FUT6: variants seen among roughly 807,000 people sequenced by gnomAD.
FUT6 encodes fucosyltransferase 6.
For missense variants in FUT6, 454 were observed against 494.6 expected (o/e 0.92, Z 0.78); for synonymous variants, 187 against 209.9 (o/e 0.89, Z 0.94).
At position 5,831,626 on chromosome 19, in the gene FUT6, G is replaced by A. The variant is rs1304828167; in HGVS notation, c.942C>T (p.Arg314=). Reference sequence around the variant, plus strand: ...CCCGCCAGCGAAAGTAGCTCAGGTAGCGGGCGTGGTCCTTGTCCAGCTCCT... The same window carrying A: ...CCCGCCAGCGAAAGTAGCTCAGGTAACGGGCGTGGTCCTTGTCCAGCTCCT... ...YLQELDKDHA[R]YLSYFRWRET... is the part of the protein sequence containing the mutation. The change falls in exon 3 of 3, where the codon CGC becomes CGT. Residue 314 remains arginine (R), a synonymous_variant. Transcript: ENST00000318336. The surrounding 1 kb of genome is among the most constrained non-coding windows in gnomAD (Gnocchi z 7.0). The A allele has an allele frequency of 6.2e-7, 1 of 1,613,600 alleles. No individual in the cohort carries two copies. Among genetic ancestry groups the A allele is most frequent in the African/African-American group, 1.3e-5 (1 of 74,924 alleles).
rs770360016 is a variant in FUT6 at position 5,831,768 on chromosome 19, C to T, written c.800G>A (p.Trp267Ter). The T allele has an allele frequency of 2.5e-6, 4 of 1,613,348 alleles. No individual in the cohort carries two copies. Among genetic ancestry groups the T allele is most frequent in the Non-Finnish European group, 3.4e-6 (4 of 1,179,746 alleles). ...EKLWRNALEA[W>*]AVPVVLGPSR... ...GGGGCCCAGCACCACGGGCACGGCC[C>T]AGGCCTCCAGGGCGTTCCTCCACAG... is the stretch of plus-strand genomic sequence containing the variant. The change falls in exon 3 of 3, where the codon TGG becomes TAG. Residue 267 changes from tryptophan to a stop codon, truncating the protein, a stop_gained. Coordinates refer to ENST00000318336, the MANE Select transcript of FUT6 (RefSeq NM_000150.4). LOFTEE classifies it low-confidence loss of function (END_TRUNC). This position sits in a 1 kb window ranked among gnomAD's most constrained non-coding sequence, Gnocchi z 7.0.
chr19:5,831,799 C>G lies in FUT6; in HGVS notation c.769G>C (p.Glu257Gln), dbSNP rs199718441. The G allele has an allele frequency of 6.2e-7, 1 of 1,613,848 alleles. No individual in the cohort carries two copies. The highest frequency in any genetic ancestry group is 1.1e-5 in the South Asian group (1 of 91,060). The change falls in exon 3 of 3, where the codon GAG (glutamate) becomes CAG (glutamine). Residue 257 changes from glutamate to glutamine, a missense_variant. Glu to Gln is a conservative substitution (Grantham distance 29). Transcript: ENST00000318336. The surrounding 1 kb of genome is among the most constrained non-coding windows in gnomAD (Gnocchi z 7.0). ...ENSLHPDYIT[E>Q]KLWRNALEAW... Reference sequence around the variant, plus strand: ...TCCAGGGCGTTCCTCCACAGCTTCTCGGTGATGTAGTCGGGGTGCAAGGAG... The same window carrying G: ...TCCAGGGCGTTCCTCCACAGCTTCTGGGTGATGTAGTCGGGGTGCAAGGAG...
intron 1 of FUT6, among the ~76,000 whole-genome samples, chr19:5,836,228 T>TTTGTTTTCTTTTCTA (rs2057178171): frequency 6.6e-6 from 1 of 151,848 alleles, no homozygotes; most frequent in African/African-American, 2.4e-5. Flanking sequence ...TTTCTTTTCT[T>TTTGTTTTCTTTTCTA]TTTTGAGACG....
chr19:5,832,814 G>T lies in FUT6; in HGVS notation c.-12-235C>A, dbSNP rs1041432630. On this transcript the variant is annotated intron_variant, in intron 2 of 2. Transcript: ENST00000318336. This position sits in a 1 kb window ranked among gnomAD's most constrained non-coding sequence, Gnocchi z 4.3. ...AACAGGCCCTTTCTACATGGGCAAG[G>T]GTCCCTGGGGAAGTTGGGAGAGGCC... 4 of 554,012 alleles carry T rather than the reference G, an allele frequency of 7.2e-6. No homozygotes were observed. Among genetic ancestry groups the T allele is most frequent in the Non-Finnish European group, 1.3e-5 (4 of 309,900 alleles). 34.3% of individuals were successfully genotyped at this position (554,012 alleles called of 1,614,324 possible).
In FUT6 at chr19:5,831,959, G is replaced by A. The variant is rs445878; in HGVS notation, c.609C>T (p.Ser203=). Residue 203 remains serine, a synonymous_variant, in exon 3 of 3, where the codon TCC becomes TCT. Transcript: ENST00000318336. The surrounding 1 kb of genome is among the most constrained non-coding windows in gnomAD (Gnocchi z 7.0). ...GGCTCTGGTAGTAGCGCACCCTGGCGGAGTTTGGCCCCCAGTTGGACACTG... is the reference window on the plus strand; with the variant it reads ...GGCTCTGGTAGTAGCGCACCCTGGCAGAGTTTGGCCCCCAGTTGGACACTG... ...AWAVSNWGPN[S]ARVRYYQSLQ... 150 of 1,613,712 alleles carry A rather than the reference G, an allele frequency of 9.3e-5. No individual in the cohort carries two copies. The highest frequency in any genetic ancestry group is 4.4e-4 in the African/African-American group (33 of 74,894).
chr19:5,831,014 A>G lies in FUT6; in HGVS notation c.*474T>C. On this transcript the variant is annotated 3_prime_UTR_variant, in exon 3 of 3. Coordinates refer to ENST00000318336, the MANE Select transcript of FUT6 (RefSeq NM_000150.4). This position sits in a 1 kb window ranked among gnomAD's most constrained non-coding sequence, Gnocchi z 7.0. ...CACAAACAAATCAGCCAGAACCATC[A>G]CTCATGGGTGGGGCCCCATGGGTGC... 1 of 470,868 alleles carries G rather than the reference A, an allele frequency of 2.1e-6. No individual in the cohort carries two copies. The highest frequency in any genetic ancestry group is 3.4e-5 in the Admixed American group (1 of 29,654). 29.2% of individuals were successfully genotyped at this position (470,868 alleles called of 1,614,324 possible).
In FUT6 at chr19:5,832,414, C is replaced by A; in HGVS notation, c.154G>T (p.Asp52Tyr). 1 of 1,613,962 alleles carries A rather than the reference C, an allele frequency of 6.2e-7. No individual in the cohort carries two copies. Among genetic ancestry groups the A allele is most frequent in the South Asian group, 1.1e-5 (1 of 91,080 alleles). The stretch of plus-strand genomic sequence containing the variant: ...GAGTGGGCGGGGGTCCCTGTGCTGT[C>A]TGGGAAGCGGGACCCATTAGGGTAC... The part of the protein sequence containing the change: ...TVYPNGSRFP[D>Y]STGTPAHSIP... The change falls in exon 3 of 3, where the codon GAC becomes TAC. Residue 52 changes from aspartate to tyrosine, a missense_variant. Physicochemically the swap from Asp to Tyr is radical, Grantham distance 160 (BLOSUM62 -3). Coordinates refer to ENST00000318336, the MANE Select transcript of FUT6 (RefSeq NM_000150.4). This position sits in a 1 kb window ranked among gnomAD's most constrained non-coding sequence, Gnocchi z 4.3.
Position 5,832,555 on chromosome 19 carries a change from C to T in FUT6, c.13G>A (p.Gly5Ser), listed in dbSNP as rs2057122411. 2.5e-6 allele frequency: 4 copies of T among 1,613,382 alleles called. No individual in the cohort carries two copies. The highest frequency in any genetic ancestry group is 3.4e-6 in the Non-Finnish European group (4 of 1,179,924). The stretch of plus-strand genomic sequence containing the variant: ...CACGACCACTGTGGCTTGGCCGGGC[C>T]CAGGGGATCCATGGGTCAGAGTATC... MDPLGPAKPQWSWRC... is the reference protein window; with the variant it reads MDPLSPAKPQWSWRC... The change falls in exon 3 of 3, where the codon GGC becomes AGC. Residue 5 changes from glycine (G) to serine (S), a missense_variant. Gly to Ser is a moderately conservative substitution (Grantham distance 56). Coordinates refer to ENST00000318336, the MANE Select transcript of FUT6 (RefSeq NM_000150.4). This position sits in a 1 kb window ranked among gnomAD's most constrained non-coding sequence, Gnocchi z 4.3.
intron 1 of FUT6, among the ~76,000 whole-genome samples, chr19:5,835,469 T>C (rs1483389804): frequency 6.6e-6 from 1 of 152,160 alleles, no homozygotes; most frequent in African/African-American, 2.4e-5. Context: ...ATCTCCCGAA[T>C]AACCTTGTCC....
In FUT6 at chr19:5,831,710, G is replaced by A. The variant is rs200779357; in HGVS notation, c.858C>T (p.Pro286=). ...AGTCGTCCACGTGGATGAAGGCGTC[G>A]GGTGGCAGGAACCTCTCGTAGTTGC... is the stretch of plus-strand genomic sequence containing the variant. The part of the protein sequence containing the change: ...SRSNYERFLP[P]DAFIHVDDFQ... Residue 286 remains proline (P), a synonymous_variant, in exon 3 of 3, where the codon CCC becomes CCT. Coordinates refer to ENST00000318336, the MANE Select transcript of FUT6 (RefSeq NM_000150.4). The surrounding 1 kb of genome is among the most constrained non-coding windows in gnomAD (Gnocchi z 7.0). 8.3e-5 allele frequency: 133 copies of A among 1,611,496 alleles called. No homozygotes were observed. The African/African-American group carries it at 1.3e-3, about 15-fold the overall frequency.
chr19:5,835,258 A>G (rs918043343), intron 1 of FUT6, among the ~76,000 whole-genome samples, 181 bp from the exon 2 acceptor site: 1 of 152,018 alleles, frequency 6.6e-6, no homozygotes, highest in Non-Finnish European at 1.5e-5. Context: ...GGGAACAGAA[A>G]TCCAAGACCC....
rs780155329 is a variant in FUT6 at position 5,832,136 on chromosome 19, C to T, written c.432G>A (p.Gln144=). The T allele has an allele frequency of 6.2e-7, 1 of 1,613,978 alleles. No homozygotes were observed. Residue 144 remains glutamine, a synonymous_variant, in exon 3 of 3, where the codon CAG becomes CAA. Transcript: ENST00000318336. This position sits in a 1 kb window ranked among gnomAD's most constrained non-coding sequence, Gnocchi z 4.3. ...FSMESPSHCW[Q]LKAMDGYFNL... is the part of the protein sequence containing the mutation. ...TGAAGTATCCGTCCATGGCTTTCAG[C>T]TGCCAGCAGTGGCTTGGGGACTCCA...
In FUT6 at chr19:5,831,433, A is replaced by G; in HGVS notation, c.*55T>C. The G allele has an allele frequency of 6.2e-7, 1 of 1,612,916 alleles. No homozygotes were observed. The highest frequency in any genetic ancestry group is 8.5e-7 in the Non-Finnish European group (1 of 1,179,614). ...CCTTAGGTAGATGAGGCCCCCACTC[A>G]GGTGAGGCCCCAGGAAAATGAGGTT... On this transcript the variant is annotated 3_prime_UTR_variant, in exon 3 of 3. Coordinates refer to ENST00000318336, the MANE Select transcript of FUT6 (RefSeq NM_000150.4). This position sits in a 1 kb window ranked among gnomAD's most constrained non-coding sequence, Gnocchi z 7.0.
At chr19:5,833,774 C>A (rs142996053) in intron 2 of FUT6, among the ~76,000 whole-genome samples, 1,535 of 148,562 alleles carry the variant, frequency 0.01, 50 homozygotes, top group Admixed American at 0.079. Flanking sequence ...GCCTGGGACA[C>A]AGAATGAGAT....
At position 5,839,315 on chromosome 19, in the gene FUT6, C is replaced by T. The variant is rs942993295; in HGVS notation, c.-779G>A. The T allele has an allele frequency of 2.0e-5, 3 of 152,220 alleles. No homozygotes were observed. Among genetic ancestry groups the T allele is most frequent in the Non-Finnish European group, 4.4e-5 (3 of 68,042 alleles). 9.4% of individuals were successfully genotyped at this position (152,220 alleles called of 1,614,324 possible). ...AAGGGATGGAAGGGCATTCCAGTTA[C>T]AAGGAACAACCTTCGCAAAGGCCCT... On this transcript the variant is annotated 5_prime_UTR_variant, in exon 1 of 3. Transcript: ENST00000318336.
At position 5,831,910 on chromosome 19, in the gene FUT6, C is replaced by G. The variant is rs192315992; in HGVS notation, c.658G>C (p.Val220Leu). ...QSLQAHLKVD[V>L]YGRSHKPLPQ... ...AGGGGCTTGTGGGAGCGTCCGTACA[C>G]GTCCACCTTGAGATGGGCCTGCAGG... is the stretch of plus-strand genomic sequence containing the variant. Residue 220 changes from valine to leucine, a missense_variant, in exon 3 of 3, where the codon GTG becomes CTG. Val to Leu is a conservative substitution (Grantham distance 32, BLOSUM62 1). Transcript: ENST00000318336. The surrounding 1 kb of genome is among the most constrained non-coding windows in gnomAD (Gnocchi z 7.0). The G allele has an allele frequency of 3.1e-6, 5 of 1,613,844 alleles. No homozygotes were observed. The highest frequency in any genetic ancestry group is 4.2e-6 in the Non-Finnish European group (5 of 1,179,876).
In FUT6 at chr19:5,831,057, T is replaced by G. The variant is rs1386127066; in HGVS notation, c.*431A>C. On this transcript the variant is annotated 3_prime_UTR_variant, in exon 3 of 3. Transcript: ENST00000318336. This position sits in a 1 kb window ranked among gnomAD's most constrained non-coding sequence, Gnocchi z 7.0. ...ATGGGTGCCAGTTCCCAGGGCCCAG[T>G]GCCCTCCAGGGTGAGGTCCCCAGCA... The G allele has an allele frequency of 5.6e-6, 3 of 534,144 alleles. 1 individual carries two copies. In the Middle Eastern group the frequency reaches 1.5e-3, roughly 273 times the overall value. The allele number at this position is 534,144 out of a possible 1,614,324, so 33.1% of individuals were successfully genotyped here.
At chr19:5,837,656 C>T (rs2057198448) in intron 1 of FUT6, among the ~76,000 whole-genome samples, 1 of 152,018 alleles carries the variant, frequency 6.6e-6, no homozygotes, top group Admixed American at 6.6e-5. Context: ...GTCCCAGCTA[C>T]TCGGGAGGCT....
At chr19:5,836,216 C>CTTTTG (rs1555738048) in intron 1 of FUT6, among the ~76,000 whole-genome samples, 6 of 150,624 alleles carry the variant, frequency 4.0e-5, no homozygotes, top group African/African-American at 7.3e-5. Context: ...ATTTTCTTTT[C>CTTTTG]TTTTCTTTTC....
Sources: allele counts gnomAD v4.1 joint callset (sites outside exome capture counted in the v4.1 genomes callset), GRCh38; gene constraint gnomAD v4.1.1; non-coding constraint Gnocchi (gnomAD v3.1); transcripts MANE v1.5; gene names NCBI Gene and HGNC (gene_info 2026-07-23, HGNC 2026-07-21).